The following NR3C2 variants were observed in gnomAD, a reference collection of about 807,000 sequenced individuals.
NR3C2 encodes the protein mineralocorticoid receptor.
NR3C2 carries 15 observed loss-of-function variants against 86.4 expected under a neutral mutation model. The ratio of observed to expected loss-of-function variants is 0.17; its 90% CI spans 0.12 to 0.27. The LOEUF is 0.27. Ranked by LOEUF, NR3C2 falls within the 10% of genes least tolerant of loss-of-function variation. The pLI, the probability that NR3C2 is intolerant of heterozygous loss-of-function variation, is 1.00. For missense variants in NR3C2, 960 were observed against 1,195.6 expected (o/e 0.80, Z 2.91); for synonymous variants, 458 against 450.5 (o/e 1.02, Z -0.21).
chr4:148,328,637 G>A (rs771533260), intron 2 of NR3C2, among the ~76,000 whole-genome samples: 6 of 152,124 alleles, frequency 3.9e-5, no homozygotes, highest in Non-Finnish European at 7.3e-5. Context: ...TATCTACCCA[G>A]CCAATCTAGA....
chr4:148,303,870 T>C (rs370997256), intron 2 of NR3C2, among the ~76,000 whole-genome samples: 29 of 152,328 alleles, frequency 1.9e-4, no homozygotes, highest in African/African-American at 6.7e-4. Context: ...TACATGGGTA[T>C]GAGCGGATAT....
intron 2 of NR3C2, among the ~76,000 whole-genome samples, chr4:148,362,984 G>A (rs546885499): frequency 6.6e-6 from 1 of 152,268 alleles, no homozygotes; most frequent in East Asian, 1.9e-4. Context: ...ACAACGGGAT[G>A]CGGTTGAAAA....
chr4:148,120,299 A>G lies in NR3C2; in HGVS notation c.2511-11T>C. On this transcript the variant is annotated splice_polypyrimidine_tract_variant and intron_variant, in intron 6 of 8. Coordinates refer to ENST00000358102, the MANE Select transcript of NR3C2 (RefSeq NM_000901.5). ...TGATGCATCTTCTCTCTGCAAAGGA[A>G]AAGAAGAAAATGTCTGAGAATGCAA... is the stretch of plus-strand genomic sequence containing the variant. 3.7e-6 allele frequency: 6 copies of G among 1,614,034 alleles called. No individual in the cohort carries two copies. Among genetic ancestry groups the G allele is most frequent in the Non-Finnish European group, 5.1e-6 (6 of 1,179,926 alleles).
At chr4:148,305,179 T>C (rs1742552144) in intron 2 of NR3C2, among the ~76,000 whole-genome samples, 2 of 152,134 alleles carry the variant, frequency 1.3e-5, no homozygotes, top group African/African-American at 4.8e-5. Flanking sequence ...TAATGAAAAG[T>C]AGGAAATCGT....
chr4:148,214,962 ATGCAGCCTGGGGCTGCG>A (rs63748996), intron 3 of NR3C2, among the ~76,000 whole-genome samples: 15,404 of 152,242 alleles, frequency 0.1, 799 homozygotes, highest in Middle Eastern at 0.13. Flanking sequence ...GCACCCAGGC[ATGCAGCCTGGGGCTGCG>A]TGCAGCCTTC....
chr4:148,211,673 G>A (rs1422280125), intron 3 of NR3C2, among the ~76,000 whole-genome samples: 3 of 152,154 alleles, frequency 2.0e-5, no homozygotes, highest in African/African-American at 4.8e-5. Context: ...GTGAAATAAT[G>A]TGCCTCTATG....
At chr4:148,181,015 C>T (rs147295069) in intron 4 of NR3C2, among the ~76,000 whole-genome samples, 269 of 152,266 alleles carry the variant, frequency 1.8e-3, no homozygotes, top group African/African-American at 6.1e-3. Context: ...AGATCCTTCT[C>T]GCTTTTCCTG....
chr4:148,254,850 GA>G (rs1488002133), intron 3 of NR3C2, among the ~76,000 whole-genome samples: 1 of 152,076 alleles, frequency 6.6e-6, no homozygotes, highest in Admixed American at 6.6e-5. Flanking sequence ...TCCTGTACAT[GA>G]TTCATGGAAA....
At chr4:148,307,641 T>C (rs1481157296) in intron 2 of NR3C2, among the ~76,000 whole-genome samples, 1 of 152,142 alleles carries the variant, frequency 6.6e-6, no homozygotes, top group Non-Finnish European at 1.5e-5. Context: ...TAACAATACA[T>C]AATCATCTAG....
rs1053555570 is a variant in NR3C2 at position 148,342,111 on chromosome 4, G to A, written c.1758-81994C>T. On this transcript the variant is annotated intron_variant, in intron 2 of 8. Transcript: ENST00000358102. Reference sequence around the variant, plus strand: ...AGGGGTTGCTGAAGACAGTCCCACTGATAACAACAGAGTTAATGATACAAA... The same window carrying A: ...AGGGGTTGCTGAAGACAGTCCCACTAATAACAACAGAGTTAATGATACAAA... 3.3e-5 allele frequency among the ~76,000 whole-genome samples: 5 copies of A among 152,230 alleles called. No individual in the cohort carries two copies. The East Asian group carries it at 9.7e-4, about 29-fold the overall frequency.
At chr4:148,396,492 T>G (rs1747866673) in intron 2 of NR3C2, among the ~76,000 whole-genome samples, 1 of 152,222 alleles carries the variant, frequency 6.6e-6, no homozygotes, top group Admixed American at 6.5e-5. Flanking sequence ...GAAGCTTTAC[T>G]TGAATGTTTT....
At chr4:148,433,722 G>A (rs1749907402) in intron 2 of NR3C2, among the ~76,000 whole-genome samples, 1 of 152,076 alleles carries the variant, frequency 6.6e-6, no homozygotes, top group East Asian at 1.9e-4. Flanking sequence ...CCTCATACCA[G>A]CTCACTAAAA....
chr4:148,438,485 C>CA (rs1282767395), intron 1 of NR3C2, among the ~76,000 whole-genome samples: 1 of 151,738 alleles, frequency 6.6e-6, no homozygotes, highest in African/African-American at 2.4e-5. Flanking sequence ...ATCTATGGCC[C>CA]AAAAAAAGTC....
At chr4:148,403,526 C>T (rs1373654407) in intron 2 of NR3C2, among the ~76,000 whole-genome samples, 1 of 152,078 alleles carries the variant, frequency 6.6e-6, no homozygotes, top group African/African-American at 2.4e-5. Context: ...TGCCTGCCCT[C>T]TCTACATAAT....
intron 2 of NR3C2, among the ~76,000 whole-genome samples, chr4:148,307,112 T>C (rs1464160009): frequency 6.6e-6 from 1 of 152,060 alleles, no homozygotes; most frequent in Non-Finnish European, 1.5e-5. Context: ...TAAGAAACCA[T>C]GTTATAATCA....
intron 2 of NR3C2, among the ~76,000 whole-genome samples, chr4:148,332,054 A>G (rs1309730841): frequency 1.3e-5 from 2 of 152,238 alleles, no homozygotes; most frequent in Non-Finnish European, 2.9e-5. Flanking sequence ...GAAATACTAA[A>G]GATACTTACA....
At chr4:148,442,955 C>T (rs558772921), upstream of NR3C2, 20 of 985,238 alleles carry the variant, frequency 2.0e-5, no homozygotes, top group Non-Finnish European at 2.2e-5. Flanking sequence ...CCACCTGCAG[C>T]TCCAGGTGAG....
At position 148,080,881 on chromosome 4, in the gene NR3C2, T is replaced by TTTGTG; in HGVS notation, c.*458_*462dup. 1 of 363,534 alleles carries TTTGTG rather than the reference T, an allele frequency of 2.8e-6. No homozygotes were observed. Among genetic ancestry groups the TTTGTG allele is most frequent in the East Asian group, 7.7e-5 (1 of 13,040 alleles). 22.5% of individuals were successfully genotyped at this position (363,534 alleles called of 1,614,324 possible). A position where few individuals can be genotyped will look rare whatever the true frequency, so the allele number is the denominator to read the frequency against. Reference sequence around the variant, plus strand: ...TCTGTATATATTTTTTTATTATTTTTTTGTGTTTTTTTAATAACAAAAGAA... The same window carrying TTTGTG: ...TCTGTATATATTTTTTTATTATTTTTTTGTGTTGTGTTTTTTTAATAACAAAAGAA... On this transcript the variant is annotated 3_prime_UTR_variant, in exon 9 of 9. Coordinates refer to ENST00000358102, the MANE Select transcript of NR3C2 (RefSeq NM_000901.5).
chr4:148,395,685 G>C (rs1747824555), intron 2 of NR3C2, among the ~76,000 whole-genome samples: 1 of 152,168 alleles, frequency 6.6e-6, no homozygotes, highest in South Asian at 2.1e-4. Flanking sequence ...CCAAACTCAT[G>C]ACAGAGTAAG....
Sources: allele counts gnomAD v4.1 joint callset (sites outside exome capture counted in the v4.1 genomes callset), GRCh38; gene constraint gnomAD v4.1.1; transcripts MANE v1.5; gene names NCBI Gene and HGNC (gene_info 2026-07-23, HGNC 2026-07-21).